PIK3CD: variants seen among roughly 807,000 people sequenced by gnomAD.
PIK3CD encodes the protein phosphatidylinositol 4,5-bisphosphate 3-kinase catalytic subunit delta isoform.
Under a neutral mutation model 122.9 loss-of-function variants are expected in PIK3CD, and 20 were observed. That is an observed-to-expected ratio of 0.16 (90% CI 0.11 to 0.24). The LOEUF (loss-of-function observed/expected upper bound fraction) is 0.24, where lower values mean the gene tolerates loss of function less well. Ranked by LOEUF, PIK3CD falls within the 10% of genes least tolerant of loss-of-function variation. The probability of loss-of-function intolerance (pLI) is 1.00; values close to 1 mark genes in which losing one functional copy is unlikely to be tolerated. For missense variants in PIK3CD, 787 were observed against 1,406.3 expected (o/e 0.56, Z 7.04); for synonymous variants, 596 against 593.4 (o/e 1.00, Z -0.06).
At chr1:9,658,888 G>A (rs1644935166) in intron 1 of PIK3CD, among the ~76,000 whole-genome samples, 1 of 152,094 alleles carries the variant, frequency 6.6e-6, no homozygotes, top group African/African-American at 2.4e-5. Flanking sequence ...TTGTAACACT[G>A]AGACAGCAAT....
At position 9,722,502 on chromosome 1, in the gene PIK3CD, TCTC is replaced by T. The variant is rs777118345; in HGVS notation, c.2348-21_2348-19del. 1.5e-5 allele frequency: 24 copies of T among 1,603,730 alleles called. No homozygotes were observed. The highest frequency in any genetic ancestry group is 1.6e-4 in the Middle Eastern group (1 of 6,072). On this transcript the variant is annotated intron_variant, in intron 18 of 23. Coordinates refer to ENST00000377346, the MANE Select transcript of PIK3CD (RefSeq NM_005026.5). This position sits in a 1 kb window ranked among gnomAD's most constrained non-coding sequence, Gnocchi z 7.6. The stretch of plus-strand genomic sequence containing the variant: ...AGAGAACCTACCAGAAACTCACGCT[TCTC>T]CTCCCACCGGCCGGTGGCACAGACC...
intron 1 of PIK3CD, among the ~76,000 whole-genome samples, chr1:9,663,631 C>T (rs1022240255): frequency 6.6e-5 from 10 of 151,748 alleles, no homozygotes; most frequent in African/African-American, 1.2e-4. Context: ...ATGTGCACAA[C>T]GTGCAGGTTT....
chr1:9,666,766 G>A (rs1310897780), intron 1 of PIK3CD, among the ~76,000 whole-genome samples: 1 of 151,686 alleles, frequency 6.6e-6, no homozygotes, highest in Non-Finnish European at 1.5e-5. Context: ...GTGCAGTGGT[G>A]CGATCTTGGC....
rs755814236 is a variant in PIK3CD at position 9,724,423 on chromosome 1, TGA to T, written c.2864+6_2864+7del. 9 of 1,613,874 alleles carry T rather than the reference TGA, an allele frequency of 5.6e-6. No individual in the cohort carries two copies. The East Asian group carries it at 2.0e-4, about 36-fold the overall frequency. The stretch of plus-strand genomic sequence containing the variant: ...TAATAATAGTGAGAAATTTGAACGG[TGA>T]GAGTGCCTGAGCCCCACCAGATGCC... On this transcript the variant is annotated splice_donor_region_variant and intron_variant, in intron 22 of 23. Coordinates refer to ENST00000377346, the MANE Select transcript of PIK3CD (RefSeq NM_005026.5). This position sits in a 1 kb window ranked among gnomAD's most constrained non-coding sequence, Gnocchi z 7.3.
rs1164643669 is a variant in PIK3CD at position 9,710,229 on chromosome 1, C to T, written c.-32-195C>T. 3 of 576,538 alleles carry T rather than the reference C, an allele frequency of 5.2e-6. No homozygotes were observed. Among genetic ancestry groups the T allele is most frequent in the Non-Finnish European group, 9.4e-6 (3 of 317,754 alleles). The allele number at this position is 576,538 out of a possible 1,614,324, so 35.7% of individuals were successfully genotyped here. ...AGAAGAGGCAGCTGAGGCCGTGGCC[C>T]GGAGTAGTAGGAGCCACAAGCCACC... On this transcript the variant is annotated intron_variant, in intron 2 of 23. Transcript: ENST00000377346. The surrounding 1 kb of genome is among the most constrained non-coding windows in gnomAD (Gnocchi z 4.7).
chr1:9,685,789 C>T (rs1457374858), intron 1 of PIK3CD, among the ~76,000 whole-genome samples: 1 of 152,170 alleles, frequency 6.6e-6, no homozygotes, highest in African/African-American at 2.4e-5. Flanking sequence ...CTGCCTCAAA[C>T]TCAAGCGATC....
the PIK3CD span, among the ~76,000 whole-genome samples, chr1:9,645,604 ATTTT>A: frequency 7.6e-6 from 1 of 131,820 alleles, no homozygotes. Context: ...GGAATGGCTA[ATTTT>A]TTTTTTTTTT....
chr1:9,713,094 A>G (rs1030619530), intron 3 of PIK3CD, among the ~76,000 whole-genome samples: 1 of 152,168 alleles, frequency 6.6e-6, no homozygotes, highest in African/African-American at 2.4e-5. Flanking sequence ...GAGGCCGAAG[A>G]ATTGCTTGAA....
In PIK3CD at chr1:9,652,341, C is replaced by A. The variant is rs1312767062; in HGVS notation, c.-138+539C>A. ...GCGCACAGTTCGCCGGCGCCCGGGTCCTGTGCGCCCTTCCCAGCCTGGGCA... is the reference window on the plus strand; with the variant it reads ...GCGCACAGTTCGCCGGCGCCCGGGTACTGTGCGCCCTTCCCAGCCTGGGCA... On this transcript the variant is annotated intron_variant, in intron 1 of 23. Transcript: ENST00000377346. This position sits in a 1 kb window ranked among gnomAD's most constrained non-coding sequence, Gnocchi z 6.2. Among the ~76,000 whole-genome samples, 1 of 152,142 alleles carries A rather than the reference C, an allele frequency of 6.6e-6. No homozygotes were observed. The highest frequency in any genetic ancestry group is 1.5e-5 in the Non-Finnish European group (1 of 68,012).
intron 1 of PIK3CD, among the ~76,000 whole-genome samples, chr1:9,685,772 G>C (rs890518522): frequency 6.8e-6 from 1 of 147,432 alleles, no homozygotes; most frequent in Non-Finnish European, 1.5e-5. Context: ...AAACTCAAGC[G>C]ATCCTCCTGC....
intron 2 of PIK3CD, among the ~76,000 whole-genome samples, chr1:9,707,644 G>T (rs1037659177): frequency 2.6e-5 from 4 of 152,052 alleles, no homozygotes; most frequent in African/African-American, 9.7e-5. Context: ...GTTTGCTGAG[G>T]ATAATGGCCT....
At position 9,722,700 on chromosome 1, in the gene PIK3CD, A is replaced by G; in HGVS notation, c.2426+94A>G. 2 of 1,097,618 alleles carry G rather than the reference A, an allele frequency of 1.8e-6. No individual in the cohort carries two copies. The highest frequency in any genetic ancestry group is 1.8e-5 in the Admixed American group (1 of 54,752). The allele number at this position is 1,097,618 out of a possible 1,614,324, so 68.0% of individuals were successfully genotyped here. On this transcript the variant is annotated intron_variant, in intron 19 of 23. Transcript: ENST00000377346. The surrounding 1 kb of genome is among the most constrained non-coding windows in gnomAD (Gnocchi z 7.6). ...GGTCCTTGTTGAAGGTGGCATGACC[A>G]TCTCAGCCGGGGAAAGGGCTTTCCT... is the stretch of plus-strand genomic sequence containing the variant.
chr1:9,702,810 C>T (rs920025303), intron 2 of PIK3CD, among the ~76,000 whole-genome samples: 1 of 152,046 alleles, frequency 6.6e-6, no homozygotes, highest in African/African-American at 2.4e-5. Context: ...CATGAGCCAC[C>T]GTGCCCGGTC....
chr1:9,710,700 GA>G lies in PIK3CD; in HGVS notation c.141+105del. ...AGACAGACAGATGGACAGGTGGACA[GA>G]CGGACAGACAGATGGACAGATGCAC... On this transcript the variant is annotated intron_variant, in intron 3 of 23. Transcript: ENST00000377346. The surrounding 1 kb of genome is among the most constrained non-coding windows in gnomAD (Gnocchi z 4.7). 7.8e-7 allele frequency: 1 copy of G among 1,276,602 alleles called. No individual in the cohort carries two copies. The allele number at this position is 1,276,602 out of a possible 1,614,324, so 79.1% of individuals were successfully genotyped here. A position where few individuals can be genotyped will look rare whatever the true frequency, so the allele number is the denominator to read the frequency against.
the PIK3CD span, among the ~76,000 whole-genome samples, chr1:9,634,959 G>A: frequency 6.6e-6 from 1 of 152,160 alleles, no homozygotes; most frequent in Non-Finnish European, 1.5e-5. Flanking sequence ...GTAGTTAGTT[G>A]AGATGAGGTC....
Position 9,724,557 on chromosome 1 carries a change from G to A in PIK3CD, c.2864+136G>A, listed in dbSNP as rs923511313. ...GGCCCCTCACCCCAACTGTTGATGG[G>A]TTTGGAACATGCCCCTGCTCCACCC... is the stretch of plus-strand genomic sequence containing the variant. On this transcript the variant is annotated intron_variant, in intron 22 of 23. Transcript: ENST00000377346. This position sits in a 1 kb window ranked among gnomAD's most constrained non-coding sequence, Gnocchi z 7.3. 8.0e-6 allele frequency: 9 copies of A among 1,122,870 alleles called. No homozygotes were observed. Among genetic ancestry groups the A allele is most frequent in the Non-Finnish European group, 9.2e-6 (7 of 759,436 alleles). The allele number at this position is 1,122,870 out of a possible 1,614,324, so 69.6% of individuals were successfully genotyped here. A position where few individuals can be genotyped will look rare whatever the true frequency, so the allele number is the denominator to read the frequency against.
rs1002010798 is a variant in PIK3CD, at chr1:9,727,198, A to G, written c.*152A>G. On this transcript the variant is annotated 3_prime_UTR_variant, in exon 24 of 24. Transcript: ENST00000377346. ...TGTTTACACTGGTTATTTATTTATG[A>G]CTTGAAATAGTTTAAGGAGCTAAAC... 1.1e-6 allele frequency: 1 copy of G among 888,302 alleles called. No homozygotes were observed. The highest frequency in any genetic ancestry group is 1.7e-5 in the African/African-American group (1 of 59,858). 55.0% of individuals were successfully genotyped at this position (888,302 alleles called of 1,614,324 possible). A position where few individuals can be genotyped will look rare whatever the true frequency, so the allele number is the denominator to read the frequency against.
rs1646995990 is a variant in PIK3CD at position 9,710,276 on chromosome 1, GGGAGGTGAGC to G, written c.-32-147_-32-138del. ...CACCCTGGGCAGGACGAGGCCCTGAGGGAGGTGAGCTTTTTGTACCCGCAGGTCGGGAACT... is the reference window on the plus strand; with the variant it reads ...CACCCTGGGCAGGACGAGGCCCTGAGTTTTTGTACCCGCAGGTCGGGAACT... On this transcript the variant is annotated intron_variant, in intron 2 of 23. Coordinates refer to ENST00000377346, the MANE Select transcript of PIK3CD (RefSeq NM_005026.5). The surrounding 1 kb of genome is among the most constrained non-coding windows in gnomAD (Gnocchi z 4.7). The G allele has an allele frequency of 1.4e-6, 1 of 697,542 alleles. No homozygotes were observed. The highest frequency in any genetic ancestry group is 2.6e-6 in the Non-Finnish European group (1 of 389,412). The allele number at this position is 697,542 out of a possible 1,614,324, so 43.2% of individuals were successfully genotyped here.
chr1:9,699,500 G>C (rs1015344026), intron 2 of PIK3CD, among the ~76,000 whole-genome samples: 1 of 152,032 alleles, frequency 6.6e-6, no homozygotes, highest in African/African-American at 2.4e-5. Context: ...ATGGCTACGG[G>C]GCCCTGCAGG....
Sources: allele counts gnomAD v4.1 joint callset (sites outside exome capture counted in the v4.1 genomes callset), GRCh38; gene constraint gnomAD v4.1.1; non-coding constraint Gnocchi (gnomAD v3.1); transcripts MANE v1.5; gene names NCBI Gene and HGNC (gene_info 2026-07-23, HGNC 2026-07-21).